Variants in SGCD observed in about 807,000 individuals in gnomAD.
SGCD encodes sarcoglycan delta, also known as delta-sarcoglycan.
Under a neutral mutation model 36.6 loss-of-function variants are expected in SGCD, and 18 were observed. The ratio of observed to expected loss-of-function variants is 0.49; its 90% CI spans 0.34 to 0.73. The LOEUF (loss-of-function observed/expected upper bound fraction) is 0.73, where lower values mean the gene tolerates loss of function less well. Among genes scored for constraint, SGCD ranks in the 30% least tolerant of loss-of-function variants. The pLI, the probability that SGCD is intolerant of heterozygous loss-of-function variation, is 0.01. For missense variants in SGCD, 387 were observed against 346.7 expected, an observed-to-expected ratio of 1.12 and a Z score of -0.92; for synonymous variants, 133 against 130.6, an observed-to-expected ratio of 1.02 and a Z score of -0.12.
chr5:156,110,708 T>C (rs1304863703), intron 1 of SGCD, among the ~76,000 whole-genome samples: 1 of 152,182 alleles, frequency 6.6e-6, no homozygotes, highest in African/African-American at 2.4e-5. Flanking sequence ...TTCAAATTAA[T>C]ATAATGATTT....
intron 3 of SGCD, 40 bp from the exon 4 acceptor site, chr5:156,508,561 C>A: frequency 7.6e-7 from 1 of 1,310,786 alleles, no homozygotes; most frequent in Non-Finnish European, 1.1e-6. Context: ...GAAATTTTGG[C>A]TAATCATATC....
intron 4 of SGCD, among the ~76,000 whole-genome samples, chr5:156,558,720 A>T (rs899767161): frequency 6.6e-6 from 1 of 152,178 alleles, no homozygotes; most frequent in Non-Finnish European, 1.5e-5. Flanking sequence ...AATTTTTATA[A>T]TGAGAGAGGA....
rs547238639 is a variant in SGCD at position 156,748,812 on chromosome 5, A to AGAT, written c.576-8767_576-8765dup. Among the ~76,000 whole-genome samples the AGAT allele has an allele frequency of 6.8e-3, 1,027 of 152,132 alleles. 4 individuals are homozygous for AGAT. Among genetic ancestry groups the AGAT allele is most frequent in the Non-Finnish European group, 0.012 (783 of 67,980 alleles). ...TAGTTTCAATTTTTTCTTTTTTTTG[A>AGAT]GATGGAGTCTCGCTCTGTTGCCCAG... On this transcript the variant is annotated intron_variant, in intron 7 of 8. Transcript: ENST00000337851.
intron 4 of SGCD, among the ~76,000 whole-genome samples, chr5:156,563,922 C>G (rs1759372993): frequency 6.6e-6 from 1 of 152,240 alleles, no homozygotes; most frequent in Admixed American, 6.5e-5. Context: ...CCTACTCCCT[C>G]AAGTTCTTCA....
chr5:156,234,584 A>C (rs777272918), intron 3 of SGCD, among the ~76,000 whole-genome samples: 1 of 152,172 alleles, frequency 6.6e-6, no homozygotes, highest in African/African-American at 2.4e-5. Flanking sequence ...ACTTTGGTCC[A>C]TGGGGCTAAT....
intron 3 of SGCD, among the ~76,000 whole-genome samples, chr5:156,215,166 A>G (rs1303187215): frequency 2.0e-5 from 3 of 152,122 alleles, no homozygotes; most frequent in Non-Finnish European, 4.4e-5. Flanking sequence ...TCCAAATGAA[A>G]AAAATGATAT....
intron 3 of SGCD, among the ~76,000 whole-genome samples, chr5:156,152,083 T>A (rs1451810779): frequency 2.6e-5 from 4 of 151,516 alleles, no homozygotes; most frequent in Non-Finnish European, 5.9e-5. Flanking sequence ...TAAAAAAAAA[T>A]GAAACTGAGT....
chr5:155,900,861 A>G (rs1416654264), intron 1 of SGCD, among the ~76,000 whole-genome samples: 1 of 152,132 alleles, frequency 6.6e-6, no homozygotes, highest in Non-Finnish European at 1.5e-5. Context: ...CATAATATAA[A>G]CAATTTGATG....
intron 3 of SGCD, among the ~76,000 whole-genome samples, chr5:156,182,699 C>T (rs554464151): frequency 6.6e-6 from 1 of 152,326 alleles, no homozygotes; most frequent in African/African-American, 2.4e-5. Context: ...GGTCTCAATT[C>T]TTCATCCCTT....
intron 3 of SGCD, among the ~76,000 whole-genome samples, chr5:156,361,206 C>A (rs114142171): frequency 0.01 from 1,574 of 152,276 alleles, 31 homozygotes; most frequent in African/African-American, 0.036. Context: ...GCACAGTGGG[C>A]AAGCCAAATA....
chr5:156,550,545 T>C (rs1446850158), intron 4 of SGCD, among the ~76,000 whole-genome samples: 1 of 152,200 alleles, frequency 6.6e-6, no homozygotes, highest in African/African-American at 2.4e-5. Flanking sequence ...TCAGATCCCT[T>C]GGTCCACAGA....
At chr5:156,148,403 C>G (rs1045899541) in intron 3 of SGCD, among the ~76,000 whole-genome samples, 17 of 152,042 alleles carry the variant, frequency 1.1e-4, no homozygotes, top group Admixed American at 9.2e-4. Context: ...TTGAGTGGTC[C>G]TGGCAGCTGT....
At chr5:156,233,238 T>C (rs1765066394) in intron 3 of SGCD, among the ~76,000 whole-genome samples, 1 of 152,220 alleles carries the variant, frequency 6.6e-6, no homozygotes, top group Non-Finnish European at 1.5e-5. Flanking sequence ...TCCAACTTTA[T>C]CCAGAGAAAG....
intron 1 of SGCD, among the ~76,000 whole-genome samples, chr5:156,045,573 T>A (rs914168622): frequency 6.6e-6 from 1 of 152,192 alleles, no homozygotes; most frequent in Admixed American, 6.5e-5. Context: ...CTGTGTGGTT[T>A]AAACAACAAA....
intron 1 of SGCD, among the ~76,000 whole-genome samples, chr5:155,991,230 G>A (rs1294383444): frequency 6.6e-6 from 1 of 152,184 alleles, no homozygotes; most frequent in African/African-American, 2.4e-5. Flanking sequence ...AGCCATACAA[G>A]TGCCATTTCA....
chr5:156,640,383 C>G (rs1762984971), intron 6 of SGCD, among the ~76,000 whole-genome samples: 2 of 131,486 alleles, frequency 1.5e-5, no homozygotes, highest in Admixed American at 1.5e-4. Context: ...GTTTTTGCCC[C>G]CTTGAAGATA....
the SGCD span, among the ~76,000 whole-genome samples, chr5:155,745,368 G>A: frequency 4.2e-4 from 64 of 152,210 alleles, no homozygotes; most frequent in Admixed American, 1.2e-3. Context: ...GATAATAAAA[G>A]CAGGTAGCTA....
chr5:155,842,208 A>G, the SGCD span, among the ~76,000 whole-genome samples: 2 of 151,730 alleles, frequency 1.3e-5, no homozygotes, highest in Non-Finnish European at 2.9e-5. Context: ...ATGAGCCAGA[A>G]CAATTCTTTG....
At chr5:156,204,084 A>G (rs1197227306) in intron 3 of SGCD, among the ~76,000 whole-genome samples, 3 of 152,120 alleles carry the variant, frequency 2.0e-5, no homozygotes, top group African/African-American at 7.2e-5. Flanking sequence ...ATTGATGGTT[A>G]TTAGAGATAC....
Sources: gnomAD v4.1 joint callset for allele counts (sites outside exome capture counted in the v4.1 genomes callset) on GRCh38, gnomAD v4.1.1 for gene constraint, MANE v1.5 for transcripts, NCBI Gene and HGNC (gene_info 2026-07-23, HGNC 2026-07-21) for gene names.